Variants in ABCA4 observed in about 807,000 individuals in gnomAD.
The protein encoded by ABCA4 is retinal-specific phospholipid-transporting ATPase ABCA4.
A neutral mutation model predicts 263.7 loss-of-function variants in ABCA4; 196 were observed. The ratio of observed to expected loss-of-function variants is 0.74; its 90% CI spans 0.66 to 0.84. The LOEUF (loss-of-function observed/expected upper bound fraction) is 0.84. Among genes scored for constraint, ABCA4 ranks in the 40% least tolerant of loss-of-function variants. The pLI is 0.00. For missense variants in ABCA4, 2,792 were observed against 2,855.1 expected (o/e 0.98, Z 0.50); for synonymous variants, 1,133 against 1,094.2 (o/e 1.04, Z -0.70).
chr1:94,071,560 C>T (rs558959367), intron 11 of ABCA4, among the ~76,000 whole-genome samples: 22 of 152,306 alleles, frequency 1.4e-4, no homozygotes, highest in African/African-American at 4.8e-4. Context: ...GACTGTCAAC[C>T]TCTTTGAGTC....
intron 41 of ABCA4, 127 bp from the exon 42 acceptor site, chr1:94,008,424 G>A (rs561085637): frequency 1.0e-6 from 1 of 961,602 alleles, no homozygotes; most frequent in South Asian, 1.3e-5. Context: ...ATATTGACAT[G>A]GGCAGGCACA....
In ABCA4 at chr1:93,993,073, G is replaced by T; in HGVS notation, c.*164C>A. The T allele has an allele frequency of 1.2e-6, 1 of 868,228 alleles. No homozygotes were observed. The highest frequency in any genetic ancestry group is 1.8e-6 in the Non-Finnish European group (1 of 553,330). 53.8% of individuals were successfully genotyped at this position (868,228 alleles called of 1,614,324 possible). ...AGTCAGTTTCGGTTTCCTTCTGAAA[G>T]ACCTCTTTCTGAATTCGCTGCATGC... On this transcript the variant is annotated 3_prime_UTR_variant, in exon 50 of 50. Transcript: ENST00000370225.
chr1:94,008,111 T>C, intron 42 of ABCA4, 124 bp downstream of exon 42: 1 of 885,788 alleles, frequency 1.1e-6, no homozygotes, highest in East Asian at 2.6e-5. Context: ...AGATTTAAAA[T>C]TACATATGTG....
chr1:94,081,462 A>G (rs1661699390), intron 7 of ABCA4, among the ~76,000 whole-genome samples: 1 of 152,208 alleles, frequency 6.6e-6, no homozygotes, highest in South Asian at 2.1e-4. Flanking sequence ...TAGAAAAGCA[A>G]GATCAGAGCA....
At position 94,015,969 on chromosome 1, in the gene ABCA4, G is replaced by T. The variant is rs113273041; in HGVS notation, c.5197-115C>A. On this transcript the variant is annotated intron_variant, in intron 36 of 49. Coordinates refer to ENST00000370225, the MANE Select transcript of ABCA4 (RefSeq NM_000350.3). ...CTCGTAGGGTCTGGGATTCTGATTC[G>T]ACTTGCTTTTTAAACAGTTCTTGGT... 2.6e-4 allele frequency: 239 copies of T among 907,856 alleles called. 1 individual carries two copies. The African/African-American group carries it at 3.6e-3, about 14-fold the overall frequency. The allele number at this position is 907,856 out of a possible 1,614,324, so 56.2% of individuals were successfully genotyped here. A position where few individuals can be genotyped will look rare whatever the true frequency, so the allele number is the denominator to read the frequency against.
Position 94,042,871 on chromosome 1 carries a change from G to A in ABCA4, c.3218C>T (p.Ala1073Val), listed in dbSNP as rs754788289. Residue 1073 changes from alanine to valine, a missense_variant, in exon 22 of 50, where the codon GCC becomes GTC. By Grantham distance (64) the Ala-to-Val change is moderately conservative (BLOSUM62 0). Coordinates refer to ENST00000370225, the MANE Select transcript of ABCA4 (RefSeq NM_000350.3). ...CTTGGCATCTCCCACAAAGGCAATG[G>A]CAACCGACAGCTTTCTCTGCATGCC... ...SGGMQRKLSV[A>V]IAFVGDAKVV... is the part of the protein sequence containing the mutation. The A allele has an allele frequency of 5.0e-6, 8 of 1,614,088 alleles. No individual in the cohort carries two copies. The African/African-American group carries it at 8.0e-5, about 16-fold the overall frequency.
intron 49 of ABCA4, among the ~76,000 whole-genome samples, chr1:93,994,510 C>T (rs1248169620): frequency 1.3e-5 from 2 of 152,102 alleles, no homozygotes. Context: ...AGAGAAATTG[C>T]CTTTTTCTTG....
intron 1 of ABCA4, among the ~76,000 whole-genome samples, chr1:94,115,591 A>C (rs1662737565): frequency 6.6e-6 from 1 of 152,194 alleles, no homozygotes; most frequent in East Asian, 1.9e-4. Flanking sequence ...CTTCCGTGCC[A>C]AATGGTCTCA....
intron 35 of ABCA4, 145 bp from the exon 36 acceptor site, chr1:94,019,904 C>G (rs947730579): frequency 1.2e-6 from 1 of 842,010 alleles, no homozygotes; most frequent in Non-Finnish European, 2.0e-6. Context: ...GAAGCTGTCA[C>G]TCCACTAAAC....
chr1:94,116,941 TTCCC>T (rs1350423695), intron 1 of ABCA4, among the ~76,000 whole-genome samples: 5 of 148,212 alleles, frequency 3.4e-5, no homozygotes, highest in South Asian at 2.3e-4. Context: ...TCTTTTCCCC[TTCCC>T]TCCCTCCCTC....
In ABCA4 at chr1:94,021,234, G is replaced by A. The variant is rs905914397; in HGVS notation, c.5018+6C>T. On this transcript the variant is annotated splice_donor_region_variant and intron_variant, in intron 35 of 49. Transcript: ENST00000370225. ...AAGTGGTGAGGCTGGGGCTGTGGTG[G>A]CTTACACTGTAATCTCTGAGAGCTG... The A allele has an allele frequency of 1.2e-6, 2 of 1,614,046 alleles. No individual in the cohort carries two copies. Among genetic ancestry groups the A allele is most frequent in the African/African-American group, 2.7e-5 (2 of 74,934 alleles).
In ABCA4 at chr1:94,077,849, A is replaced by T; in HGVS notation, c.1395T>A (p.Asn465Lys). The change falls in exon 11 of 50, where the codon AAT becomes AAA. Residue 465 changes from asparagine (N) to lysine (K), a missense_variant. Physicochemically the swap from Asn to Lys is moderately conservative, Grantham distance 94. Coordinates refer to ENST00000370225, the MANE Select transcript of ABCA4 (RefSeq NM_000350.3). ...TAATACCTTCTTCACCAAGCTGCCT[A>T]TTCAAAAAGTCTTTTACTGTTGGGT... ...LGNPTVKDFLNRQLGEEGITA... is the reference protein window; with the variant it reads ...LGNPTVKDFLKRQLGEEGITA... The T allele has an allele frequency of 6.2e-7, 1 of 1,614,234 alleles. No individual in the cohort carries two copies. Among genetic ancestry groups the T allele is most frequent in the South Asian group, 1.1e-5 (1 of 91,078 alleles).
chr1:94,054,269 T>C (rs1037497844), intron 16 of ABCA4, among the ~76,000 whole-genome samples: 8 of 152,212 alleles, frequency 5.3e-5, no homozygotes, highest in African/African-American at 1.9e-4. Context: ...ATAGACCACA[T>C]GCATGCTCTC....
chr1:94,001,920 C>T lies in ABCA4; in HGVS notation c.6220G>A (p.Gly2074Ser), dbSNP rs1659196542. 1 of 1,614,192 alleles carries T rather than the reference C, an allele frequency of 6.2e-7. No homozygotes were observed. The highest frequency in any genetic ancestry group is 8.5e-7 in the Non-Finnish European group (1 of 1,180,032). ...ADCLAGTYSGGNKRKLSTAIA... is the reference protein window; with the variant it reads ...ADCLAGTYSGSNKRKLSTAIA... ...GCTGTGGAGAGTTTCCGCTTGTTGC[C>T]CCCACTGTACGTGCCAGCCAGGCAG... The change falls in exon 45 of 50, where the codon GGC becomes AGC. Residue 2074 changes from glycine (G) to serine (S), a missense_variant. Physicochemically the swap from Gly to Ser is moderately conservative, Grantham distance 56. Transcript: ENST00000370225.
In ABCA4 at chr1:94,082,807, C is replaced by T. The variant is rs575025592; in HGVS notation, c.858+545G>A. 7.8e-4 allele frequency among the ~76,000 whole-genome samples: 119 copies of T among 152,272 alleles called. 1 individual carries two copies. The highest frequency in any genetic ancestry group is 2.8e-3 in the African/African-American group (117 of 41,552). ...TATCCCCAGCACCTCTTATCTATTGCGTGGAAGAATCCATTTCTATATGGG... is the reference window on the plus strand; with the variant it reads ...TATCCCCAGCACCTCTTATCTATTGTGTGGAAGAATCCATTTCTATATGGG... On this transcript the variant is annotated intron_variant, in intron 7 of 49. Coordinates refer to ENST00000370225, the MANE Select transcript of ABCA4 (RefSeq NM_000350.3).
Position 94,014,648 on chromosome 1 carries a change from A to C in ABCA4, c.5355T>G (p.Phe1785Leu), listed in dbSNP as rs1659672973. ...IPMMYPASFL[F>L]DVPSTAYVAL... ...CCACATAGGCTGTGCTGGGGACATCAAACAGGAAGGATGCTGGGTACATCA... is the reference window on the plus strand; with the variant it reads ...CCACATAGGCTGTGCTGGGGACATCCAACAGGAAGGATGCTGGGTACATCA... The change falls in exon 38 of 50, where the codon TTT (phenylalanine) becomes TTG (leucine). Residue 1785 changes from phenylalanine to leucine, a missense_variant. Transcript: ENST00000370225. The C allele has an allele frequency of 6.2e-7, 1 of 1,614,258 alleles. No homozygotes were observed. Among genetic ancestry groups the C allele is most frequent in the East Asian group, 2.2e-5 (1 of 44,892 alleles).
At chr1:94,045,601 A>AT in intron 19 of ABCA4, 1 of 386,718 alleles carries the variant, frequency 2.6e-6, no homozygotes, top group Non-Finnish European at 5.2e-6. Context: ...AAGCAGATGG[A>AT]TGCAGGGCCG....
Position 94,117,450 on chromosome 1 carries a change from C to T in ABCA4, c.66+3530G>A, listed in dbSNP as rs571781389. The stretch of plus-strand genomic sequence containing the variant: ...GGTGTGGTGTCCAAAACATGATTAG[C>T]GCCCCACTTTCATGAGTCCTCAGGC... On this transcript the variant is annotated intron_variant, in intron 1 of 49. Coordinates refer to ENST00000370225, the MANE Select transcript of ABCA4 (RefSeq NM_000350.3). 4.2e-5 allele frequency among the ~76,000 whole-genome samples: 6 copies of T among 143,716 alleles called. No homozygotes were observed. The East Asian group carries it at 8.3e-4, about 20-fold the overall frequency. 94.3% of individuals were successfully genotyped at this position (143,716 alleles called of 152,430 possible).
At chr1:94,104,407 A>C (rs1662365392) in intron 4 of ABCA4, among the ~76,000 whole-genome samples, 1 of 152,158 alleles carries the variant, frequency 6.6e-6, no homozygotes, top group Non-Finnish European at 1.5e-5. Context: ...ATTCCACGGC[A>C]TCCCATCCTC....
Sources: allele counts gnomAD v4.1 joint callset (sites outside exome capture counted in the v4.1 genomes callset), GRCh38; gene constraint gnomAD v4.1.1; transcripts MANE v1.5; gene names NCBI Gene and HGNC (gene_info 2026-07-23, HGNC 2026-07-21).